The following CCDC73 variants were observed in gnomAD, a reference collection of about 807,000 sequenced individuals.
The protein encoded by CCDC73 is coiled-coil domain containing 73, also known as coiled-coil domain-containing protein 73.
In CCDC73, 95 loss-of-function variants were observed where a neutral mutation model predicts 116.5. The ratio of observed to expected loss-of-function variants is 0.82; its 90% CI spans 0.69 to 0.97. The LOEUF is 0.97. Among genes scored for constraint, CCDC73 ranks in the 50% least tolerant of loss-of-function variants. The probability of loss-of-function intolerance (pLI) is 0.00; values close to 1 mark genes in which losing one functional copy is unlikely to be tolerated. For missense variants in CCDC73, 1,066 were observed against 1,206.8 expected (o/e 0.88, Z 1.73); for synonymous variants, 398 against 401.3 (o/e 0.99, Z 0.10).
In CCDC73 at chr11:32,650,803, T is replaced by C. The variant is rs1166414855; in HGVS notation, c.939+2320A>G. Reference sequence around the variant, plus strand: ...TGAGGAGATATTAATAAATGTTGCATTGCTCAGGTTCAATTTGGTTCCATT... The same window carrying C: ...TGAGGAGATATTAATAAATGTTGCACTGCTCAGGTTCAATTTGGTTCCATT... On this transcript the variant is annotated intron_variant, in intron 12 of 17. Coordinates refer to ENST00000335185, the MANE Select transcript of CCDC73 (RefSeq NM_001008391.4). 4.6e-5 allele frequency among the ~76,000 whole-genome samples: 7 copies of C among 152,126 alleles called. No individual in the cohort carries two copies. The East Asian group carries it at 1.2e-3, about 25-fold the overall frequency.
intron 2 of CCDC73, among the ~76,000 whole-genome samples, chr11:32,746,442 C>G (rs1850240393): frequency 6.6e-6 from 1 of 152,026 alleles, no homozygotes; most frequent in Non-Finnish European, 1.5e-5. Context: ...TTGTGGTGTT[C>G]TCTGTATTTT....
At chr11:32,658,969 T>C (rs528727944) in intron 9 of CCDC73, among the ~76,000 whole-genome samples, 1 of 152,282 alleles carries the variant, frequency 6.6e-6, no homozygotes, top group East Asian at 1.9e-4. Flanking sequence ...AGACAAAAAG[T>C]ATATTTAAAA....
intron 13 of CCDC73, among the ~76,000 whole-genome samples, chr11:32,639,252 T>A (rs552123782): frequency 2.0e-5 from 3 of 152,128 alleles, no homozygotes; most frequent in African/African-American, 7.2e-5. Flanking sequence ...AAATGATTTA[T>A]TTTGTGCTTT....
intron 2 of CCDC73, among the ~76,000 whole-genome samples, chr11:32,759,834 T>C (rs765134166): frequency 6.6e-6 from 1 of 152,234 alleles, no homozygotes; most frequent in Non-Finnish European, 1.5e-5. Flanking sequence ...GGGTGCTATC[T>C]GTGCACTCCC....
chr11:32,830,231 T>C, the CCDC73 span: 2 of 1,067,700 alleles, frequency 1.9e-6, no homozygotes, highest in Non-Finnish European at 1.2e-6. Context: ...AGGGGCCACC[T>C]CGGCGGACTG....
intron 14 of CCDC73, among the ~76,000 whole-genome samples, chr11:32,632,344 G>A (rs1855639066): frequency 6.6e-6 from 1 of 152,244 alleles, no homozygotes; most frequent in African/African-American, 2.4e-5. Flanking sequence ...TCGTGACTCG[G>A]CCTCTCAAGT....
At chr11:32,799,450 G>A (rs534063703), upstream of CCDC73, among the ~76,000 whole-genome samples, 5 of 151,538 alleles carry the variant, frequency 3.3e-5, no homozygotes, top group South Asian at 2.1e-4. Context: ...GCCTGGTCTC[G>A]AACTCCTGAG....
At chr11:32,619,888 A>C (rs1352712663) in intron 14 of CCDC73, among the ~76,000 whole-genome samples, 1 of 54,808 alleles carries the variant, frequency 1.8e-5, no homozygotes. Context: ...GGGGAGGGGA[A>C]GGGAGGGAGG....
chr11:32,827,231 G>C, the CCDC73 span, among the ~76,000 whole-genome samples: 3 of 152,128 alleles, frequency 2.0e-5, no homozygotes, highest in African/African-American at 7.2e-5. Flanking sequence ...AATAATAGAA[G>C]AAATCAGCTC....
At chr11:32,608,493 G>T (rs1020523663) in intron 17 of CCDC73, among the ~76,000 whole-genome samples, 4 of 152,194 alleles carry the variant, frequency 2.6e-5, no homozygotes, top group Non-Finnish European at 4.4e-5. Flanking sequence ...CCACACCCCT[G>T]TGGCTTTGCA....
At chr11:32,819,962 AG>A in the CCDC73 span, among the ~76,000 whole-genome samples, 1 of 152,180 alleles carries the variant, frequency 6.6e-6, no homozygotes, top group South Asian at 2.1e-4. Flanking sequence ...ATGGTAAACT[AG>A]GAAGTGGAAT....
intron 17 of CCDC73, among the ~76,000 whole-genome samples, chr11:32,608,692 T>A (rs1855385318): frequency 6.6e-6 from 1 of 152,232 alleles, no homozygotes. Flanking sequence ...CCCACATTTC[T>A]CTTCCACATT....
At chr11:32,766,189 A>G (rs111834994) in intron 1 of CCDC73, among the ~76,000 whole-genome samples, 1 of 152,238 alleles carries the variant, frequency 6.6e-6, no homozygotes, top group East Asian at 1.9e-4. Context: ...GCATATAAAC[A>G]AAACCAAAGA....
chr11:32,779,711 C>A (rs557226856), intron 1 of CCDC73, among the ~76,000 whole-genome samples: 3 of 152,240 alleles, frequency 2.0e-5, no homozygotes, highest in Admixed American at 6.5e-5. Context: ...CACAGTTCAA[C>A]AAGAGTAATC....
the CCDC73 span, among the ~76,000 whole-genome samples, chr11:32,807,210 C>T: frequency 6.6e-5 from 10 of 152,148 alleles, no homozygotes; most frequent in African/African-American, 1.9e-4. Context: ...GGGCAGTGGA[C>T]GCAGTTTGTC....
At chr11:32,613,366 A>G in intron 16 of CCDC73, 56 bp downstream of exon 16, 1 of 1,416,250 alleles carries the variant, frequency 7.1e-7, no homozygotes, top group Non-Finnish European at 9.6e-7. Context: ...GTACACATTT[A>G]TCAAGAATAA....
intron 9 of CCDC73, among the ~76,000 whole-genome samples, chr11:32,669,179 G>A (rs1321368741): frequency 3.3e-5 from 5 of 151,978 alleles, no homozygotes; most frequent in African/African-American, 9.7e-5. Flanking sequence ...TTAATTCAAA[G>A]GTAAAATATC....
At chr11:32,727,728 C>T (rs1001156330) in intron 2 of CCDC73, among the ~76,000 whole-genome samples, 11 of 152,056 alleles carry the variant, frequency 7.2e-5, no homozygotes, top group Non-Finnish European at 1.3e-4. Flanking sequence ...CCCACCACCA[C>T]GTCCGGCTAG....
chr11:32,698,382 G>A (rs960865835), intron 6 of CCDC73, among the ~76,000 whole-genome samples: 3 of 152,158 alleles, frequency 2.0e-5, no homozygotes, highest in Admixed American at 6.5e-5. Flanking sequence ...CACACATTGT[G>A]ATTGTGTCTA....
Sources: allele counts gnomAD v4.1 joint callset (sites outside exome capture counted in the v4.1 genomes callset), GRCh38; gene constraint gnomAD v4.1.1; transcripts MANE v1.5; gene names NCBI Gene and HGNC (gene_info 2026-07-23, HGNC 2026-07-21).